Variants in KDM1A observed in about 807,000 individuals in gnomAD.
KDM1A encodes lysine-specific histone demethylase 1A.
KDM1A carries 49 observed loss-of-function variants against 109.4 expected under a neutral mutation model. The observed-to-expected ratio is 0.45, with a 90% CI of 0.36 to 0.57. The LOEUF (loss-of-function observed/expected upper bound fraction) is 0.57, where lower values mean the gene tolerates loss of function less well. Ranked by LOEUF, KDM1A falls within the 20% of genes least tolerant of loss-of-function variation. The pLI, the probability that KDM1A is intolerant of heterozygous loss-of-function variation, is 0.00. For synonymous variants in KDM1A, 380 were observed against 415.4 expected (o/e 0.91, Z 1.04); for missense variants, 668 against 1,116.6 (o/e 0.60, Z 5.73).
intron 2 of KDM1A, among the ~76,000 whole-genome samples, chr1:23,031,669 GTTAAC>G (rs761720286): frequency 6.6e-6 from 1 of 152,016 alleles, no homozygotes; most frequent in Non-Finnish European, 1.5e-5. Context: ...CCAGTCAAGT[GTTAAC>G]TTAGGTTTGG....
intron 2 of KDM1A, among the ~76,000 whole-genome samples, chr1:23,042,457 T>TTTG (rs1557528825): frequency 3.0e-4 from 34 of 111,768 alleles, no homozygotes; most frequent in African/African-American, 1.1e-3. Context: ...TTTTTTTTTT[T>TTTG]TTTTTTTTTT....
chr1:23,070,241 G>A (rs1643278532), intron 12 of KDM1A, among the ~76,000 whole-genome samples: 1 of 152,332 alleles, frequency 6.6e-6, no homozygotes, highest in Admixed American at 6.5e-5. Context: ...AGAGGCTGAG[G>A]CAGGTGGATC....
chr1:23,075,140 G>GT (rs1359174778), intron 15 of KDM1A, among the ~76,000 whole-genome samples: 1 of 152,184 alleles, frequency 6.6e-6, no homozygotes, highest in African/African-American at 2.4e-5. Context: ...TCCAAAAATA[G>GT]TTTTCTTTCG....
At chr1:23,062,970 A>G (rs1275891879) in intron 9 of KDM1A, among the ~76,000 whole-genome samples, 1 of 152,104 alleles carries the variant, frequency 6.6e-6, no homozygotes, top group East Asian at 1.9e-4. Flanking sequence ...TTAATTGGAC[A>G]TGCGGAAGGT....
intron 19 of KDM1A, chr1:23,081,886 G>C (rs772776213): frequency 1.7e-5 from 7 of 421,850 alleles, no homozygotes; most frequent in Admixed American, 3.9e-5. Context: ...AGAACCTCTT[G>C]GTACTTTTTC....
At chr1:23,024,203 C>T (rs1015896979) in intron 1 of KDM1A, among the ~76,000 whole-genome samples, 4 of 152,052 alleles carry the variant, frequency 2.6e-5, no homozygotes, top group Non-Finnish European at 5.9e-5. Context: ...CTTACTTACC[C>T]TGTTTTTTAA....
At chr1:23,035,934 C>T (rs1642129444) in intron 2 of KDM1A, among the ~76,000 whole-genome samples, 2 of 152,042 alleles carry the variant, frequency 1.3e-5, no homozygotes, top group African/African-American at 2.4e-5. Context: ...CTAATATTTT[C>T]ACCTTATATT....
chr1:23,044,104 A>G (rs1388327931), intron 2 of KDM1A, among the ~76,000 whole-genome samples: 1 of 152,212 alleles, frequency 6.6e-6, no homozygotes, highest in Non-Finnish European at 1.5e-5. Context: ...CGTTAGTAAA[A>G]GACACTCGGA....
At chr1:23,068,944 G>T in intron 11 of KDM1A, 117 bp from the exon 12 acceptor site, 5 of 688,684 alleles carry the variant, frequency 7.3e-6, no homozygotes, top group Admixed American at 3.2e-5. Context: ...CAACTTTCTT[G>T]TTCCTAAGTA....
At chr1:23,072,938 C>T (rs1452341142) in intron 14 of KDM1A, among the ~76,000 whole-genome samples, 1 of 152,198 alleles carries the variant, frequency 6.6e-6, no homozygotes, top group African/African-American at 2.4e-5. Flanking sequence ...CAGCATCCAG[C>T]CTGCCCATCC....
At position 23,035,424 on chromosome 1, in the gene KDM1A, A is replaced by G. The variant is rs536831714; in HGVS notation, c.517+4790A>G. ...TCCGCGTTGGCCAGGCTGATCTCGA[A>G]CTCCTGACCTCAGGTGATCCACCTG... On this transcript the variant is annotated intron_variant, in intron 2 of 20. Transcript: ENST00000400181. Among the ~76,000 whole-genome samples, 49 of 151,910 alleles carry G rather than the reference A, an allele frequency of 3.2e-4. 1 individual carries two copies. Among genetic ancestry groups the G allele is most frequent in the Middle Eastern group, 6.8e-3 (2 of 294 alleles).
intron 1 of KDM1A, among the ~76,000 whole-genome samples, chr1:23,022,592 G>T (rs187500722): frequency 6.6e-6 from 1 of 150,732 alleles, no homozygotes; most frequent in African/African-American, 2.4e-5. Context: ...TGCCCACCTC[G>T]GCCTCCCAAA....
rs1022013603 is a variant in KDM1A, at chr1:23,081,796, C to T, written c.2298+223C>T. 33 of 520,294 alleles carry T rather than the reference C, an allele frequency of 6.3e-5. 1 individual carries two copies. The South Asian group carries it at 9.4e-4, about 15-fold the overall frequency. 32.2% of individuals were successfully genotyped at this position (520,294 alleles called of 1,614,324 possible). ...AAGGCTGCTAGCTGCATTTCTCCTC[C>T]GGCTTTAGAGTCACACCAGATCCCT... On this transcript the variant is annotated intron_variant, in intron 19 of 20. Coordinates refer to ENST00000400181, the MANE Select transcript of KDM1A (RefSeq NM_001009999.3).
rs1477714048 is a variant in KDM1A at position 23,079,986 on chromosome 1, C to G, written c.2170+319C>G. Reference sequence around the variant, plus strand: ...GAGGCTTCCTACCAGGGGAAGCTTGCGTTCTCATTCTCAGACTGACTTGCC... The same window carrying G: ...GAGGCTTCCTACCAGGGGAAGCTTGGGTTCTCATTCTCAGACTGACTTGCC... On this transcript the variant is annotated intron_variant, in intron 18 of 20. Transcript: ENST00000400181. The surrounding 1 kb of genome is among the most constrained non-coding windows in gnomAD (Gnocchi z 5.6). Among the ~76,000 whole-genome samples the G allele has an allele frequency of 6.6e-6, 1 of 152,106 alleles. No individual in the cohort carries two copies. Among genetic ancestry groups the G allele is most frequent in the Non-Finnish European group, 1.5e-5 (1 of 68,010 alleles).
chr1:23,068,442 A>C, intron 10 of KDM1A, 97 bp from the exon 11 acceptor site: 1 of 980,564 alleles, frequency 1.0e-6, no homozygotes. Flanking sequence ...TTTGAGATAC[A>C]TATTTTGACC....
intron 2 of KDM1A, among the ~76,000 whole-genome samples, chr1:23,035,110 C>T (rs1471851653): frequency 6.6e-6 from 1 of 152,106 alleles, no homozygotes; most frequent in Non-Finnish European, 1.5e-5. Context: ...TGTTTATATT[C>T]TTATTTGTAC....
At chr1:23,065,250 A>T (rs1280455788) in intron 9 of KDM1A, among the ~76,000 whole-genome samples, 1 of 152,190 alleles carries the variant, frequency 6.6e-6, no homozygotes, top group Non-Finnish European at 1.5e-5. Context: ...CATCAAGGGG[A>T]AATAAATGAC....
chr1:23,024,782 T>G (rs1378841958), intron 1 of KDM1A, among the ~76,000 whole-genome samples: 1 of 152,252 alleles, frequency 6.6e-6, no homozygotes, highest in East Asian at 1.9e-4. Context: ...TTCATCTTCC[T>G]CTGATTCATT....
chr1:23,056,191 A>T lies in KDM1A; in HGVS notation c.990+153A>T, dbSNP rs570301752. ...TTTGGATAGTGTTATTTATATTTTT[A>T]AAAAGCTTTTTTTTTTAATGAATGC... On this transcript the variant is annotated intron_variant, in intron 7 of 20. Coordinates refer to ENST00000400181, the MANE Select transcript of KDM1A (RefSeq NM_001009999.3). Among the ~76,000 whole-genome samples, 9 of 152,274 alleles carry T rather than the reference A, an allele frequency of 5.9e-5. No homozygotes were observed. In the South Asian group the frequency reaches 1.9e-3, roughly 32 times the overall value.
Sources: gnomAD v4.1 joint callset for allele counts (sites outside exome capture counted in the v4.1 genomes callset) on GRCh38, gnomAD v4.1.1 for gene constraint, Gnocchi (gnomAD v3.1) non-coding constraint, MANE v1.5 for transcripts, NCBI Gene and HGNC (gene_info 2026-07-23, HGNC 2026-07-21) for gene names.